The following CNKSR2 variants were observed in gnomAD, a reference collection of about 807,000 sequenced individuals.
CNKSR2 encodes CNK homolog protein 2.
In CNKSR2, 14 loss-of-function variants were observed where a neutral mutation model predicts 84.4. The observed-to-expected ratio is 0.17, with a 90% confidence interval of 0.11 to 0.26. CNKSR2 has a LOEUF of 0.26. Among genes scored for constraint, CNKSR2 ranks in the 10% least tolerant of loss-of-function variants. The probability of loss-of-function intolerance (pLI) is 1.00; values close to 1 mark genes in which losing one functional copy is unlikely to be tolerated. For synonymous variants in CNKSR2, 275 were observed against 277.9 expected, an observed-to-expected ratio of 0.99 and a Z score of 0.10; for missense variants, 485 against 771.2, an observed-to-expected ratio of 0.63 and a Z score of 4.40.
intron 11 of CNKSR2, among the ~76,000 whole-genome samples, chrX:21,540,906 T>C (rs1316162675): frequency 4.5e-5 from 5 of 111,790 alleles, no homozygotes; most frequent in Non-Finnish European, 9.4e-5. Flanking sequence ...AGACATCTAA[T>C]AGAAAAATAG....
intron 1 of CNKSR2, among the ~76,000 whole-genome samples, chrX:21,398,671 GCTC>G (rs1311284859): frequency 1.8e-5 from 2 of 111,786 alleles, no homozygotes; most frequent in African/African-American, 6.5e-5. Flanking sequence ...AGCCGCCTGG[GCTC>G]TTCATGTTCC....
intron 5 of CNKSR2, among the ~76,000 whole-genome samples, chrX:21,476,995 G>A (rs773287934): frequency 9.0e-6 from 1 of 111,547 alleles, no homozygotes. Context: ...CCTCACTCCT[G>A]CCTTTCAGTA....
chrX:21,428,998 T>C (rs2090600734), intron 2 of CNKSR2: 1 of 112,341 alleles, frequency 8.9e-6, no homozygotes, highest in Non-Finnish European at 1.9e-5. Flanking sequence ...CATTGTAAAA[T>C]CTGTTGTTGC....
intron 20 of CNKSR2, among the ~76,000 whole-genome samples, chrX:21,632,450 T>C (rs1269840808): frequency 8.9e-6 from 1 of 111,918 alleles, no homozygotes; most frequent in Non-Finnish European, 1.9e-5. Context: ...TTAAAGTGTT[T>C]ATTGATTTTC....
At position 21,485,432 on chromosome X, in the gene CNKSR2, CGTGTATGTGTGT is replaced by C. The variant is rs2091372641; in HGVS notation, c.562-5020_562-5009del. ...TAAAGCTTATATTTAGGTAAACCAG[CGTGTATGTGTGT>C]GTGTATATATATATGTATGTGTGTG... On this transcript the variant is annotated intron_variant, in intron 5 of 21. Transcript: ENST00000379510. Among the ~76,000 whole-genome samples the C allele has an allele frequency of 3.6e-5, 4 of 110,285 alleles. No homozygotes were observed. The South Asian group carries it at 1.5e-3, about 42-fold the overall frequency.
At chrX:21,556,599 A>G (rs1402103799) in intron 11 of CNKSR2, among the ~76,000 whole-genome samples, 1 of 110,574 alleles carries the variant, frequency 9.0e-6, no homozygotes, top group East Asian at 2.8e-4. Flanking sequence ...ACTCGGTGCT[A>G]ATGCTACAGA....
chrX:21,521,872 A>G lies in CNKSR2; in HGVS notation c.958-4995A>G, dbSNP rs185846191. Among the ~76,000 whole-genome samples the G allele has an allele frequency of 3.6e-5, 4 of 110,936 alleles. No homozygotes were observed. In the Admixed American group the frequency reaches 3.9e-4, roughly 11 times the overall value. On this transcript the variant is annotated intron_variant, in intron 9 of 21. Coordinates refer to ENST00000379510, the MANE Select transcript of CNKSR2 (RefSeq NM_014927.5). ...AAACCTTTTGTATTTATAAATTTGC[A>G]TTCTAGAAAAAGCTGTGAAAGAACT...
intron 16 of CNKSR2, 81 bp downstream of exon 16, chrX:21,595,128 A>C: frequency 1.2e-6 from 1 of 821,761 alleles, no homozygotes; most frequent in Non-Finnish European, 1.8e-6. Flanking sequence ...TTGCTCATTT[A>C]ATGCTTTCAC....
chrX:21,625,060 G>T (rs1347325162), intron 20 of CNKSR2, among the ~76,000 whole-genome samples: 1 of 111,620 alleles, frequency 9.0e-6, no homozygotes, highest in African/African-American at 3.3e-5. Flanking sequence ...ATATTATAAG[G>T]CATCAGATAT....
chrX:21,548,417 A>G (rs1220943405), intron 11 of CNKSR2, among the ~76,000 whole-genome samples: 1 of 111,871 alleles, frequency 8.9e-6, no homozygotes, highest in Non-Finnish European at 1.9e-5. Flanking sequence ...TCTGAAATTG[A>G]GGCAGTAATT....
intron 8 of CNKSR2, among the ~76,000 whole-genome samples, chrX:21,508,773 A>T (rs2091640359): frequency 8.9e-6 from 1 of 112,266 alleles, no homozygotes; most frequent in African/African-American, 3.2e-5. Context: ...CGCAGTTAAT[A>T]TAAGTGATAG....
At chrX:21,438,609 A>G (rs1408881023) in intron 3 of CNKSR2, among the ~76,000 whole-genome samples, 1 of 111,452 alleles carries the variant, frequency 9.0e-6, no homozygotes, top group East Asian at 2.8e-4. Flanking sequence ...AATATAGGCA[A>G]AAATGATTTC....
At chrX:21,459,283 C>G (rs749912690) in intron 4 of CNKSR2, among the ~76,000 whole-genome samples, 30 of 111,911 alleles carry the variant, frequency 2.7e-4, no homozygotes, top group African/African-American at 9.7e-4. Flanking sequence ...CTCGGCCTCC[C>G]AGAGTGCTGG....
intron 13 of CNKSR2, among the ~76,000 whole-genome samples, chrX:21,572,039 A>G: frequency 1.8e-5 from 2 of 112,592 alleles, no homozygotes; most frequent in Middle Eastern, 4.6e-3. Context: ...AGAGTACAAC[A>G]GTACACTAAA....
At chrX:21,566,806 G>A (rs2092243240) in intron 13 of CNKSR2, among the ~76,000 whole-genome samples, 1 of 111,316 alleles carries the variant, frequency 9.0e-6, no homozygotes, top group South Asian at 3.8e-4. Context: ...TGTGGAAAAC[G>A]TCCCAATAAA....
At chrX:21,596,481 T>C (rs991939722) in intron 17 of CNKSR2, among the ~76,000 whole-genome samples, 6 of 111,796 alleles carry the variant, frequency 5.4e-5, no homozygotes, top group African/African-American at 1.9e-4. Flanking sequence ...TTACTATTAA[T>C]ATATATTCCT....
chrX:21,511,742 A>G (rs765638238), intron 8 of CNKSR2, among the ~76,000 whole-genome samples: 1 of 111,642 alleles, frequency 9.0e-6, no homozygotes, highest in East Asian at 2.8e-4. Flanking sequence ...AGCCTCTTAT[A>G]ATCATCTGAA....
At chrX:21,398,212 A>T (rs2090144188) in intron 1 of CNKSR2, among the ~76,000 whole-genome samples, 1 of 112,039 alleles carries the variant, frequency 8.9e-6, no homozygotes, top group South Asian at 3.7e-4. Context: ...AATTTCTGGT[A>T]ATTATTTTAA....
intron 13 of CNKSR2, among the ~76,000 whole-genome samples, chrX:21,587,057 T>C (rs1211006382): frequency 8.9e-6 from 1 of 111,810 alleles, no homozygotes; most frequent in African/African-American, 3.2e-5. Flanking sequence ...CCTAGACACA[T>C]AATAGTGAAA....
Sources: allele counts gnomAD v4.1 joint callset (sites outside exome capture counted in the v4.1 genomes callset), GRCh38; gene constraint gnomAD v4.1.1; transcripts MANE v1.5; gene names NCBI Gene and HGNC (gene_info 2026-07-23, HGNC 2026-07-21).